The following MARCHF10 variants were observed in gnomAD, a reference collection of about 807,000 sequenced individuals.
MARCHF10 encodes membrane associated ring-CH-type finger 10, also known as probable E3 ubiquitin-protein ligase MARCHF10.
Under a neutral mutation model 76.2 loss-of-function variants are expected in MARCHF10, and 64 were observed. The observed-to-expected ratio is 0.84, with a 90% CI of 0.69 to 1.03. MARCHF10 has a LOEUF of 1.03. Among genes scored for constraint, MARCHF10 ranks in the 50% least tolerant of loss-of-function variants. MARCHF10 has a pLI of 0.00. For missense variants in MARCHF10, 875 were observed against 958.0 expected (o/e 0.91, Z 1.14); for synonymous variants, 340 against 357.5 (o/e 0.95, Z 0.55).
At chr17:62,737,493 C>T (rs2091326611) in intron 5 of MARCHF10, 161 bp from the exon 6 acceptor site, 2 of 666,280 alleles carry the variant, frequency 3.0e-6, no homozygotes, top group African/African-American at 1.8e-5. Flanking sequence ...GAGCAGAGCC[C>T]AGCAGGCTTC....
chr17:62,790,662 A>G (rs1319706153), intron 2 of MARCHF10, among the ~76,000 whole-genome samples: 1 of 152,242 alleles, frequency 6.6e-6, no homozygotes, highest in Non-Finnish European at 1.5e-5. Flanking sequence ...AGATTCCTTC[A>G]GCACGTTTCA....
intron 3 of MARCHF10, among the ~76,000 whole-genome samples, chr17:62,772,681 G>A (rs895812742): frequency 1.1e-4 from 16 of 152,118 alleles, no homozygotes; most frequent in African/African-American, 3.9e-4. Context: ...GTTTCTTGGG[G>A]GCAGGGCATT....
intron 8 of MARCHF10, among the ~76,000 whole-genome samples, chr17:62,720,180 G>A (rs898542208): frequency 2.0e-5 from 3 of 152,162 alleles, no homozygotes; most frequent in Non-Finnish European, 4.4e-5. Context: ...TGGTTCTGGT[G>A]TTTGCTCTGT....
rs536602171 is a variant in MARCHF10, at chr17:62,727,505, A to G, written c.1938-2401T>C. On this transcript the variant is annotated intron_variant, in intron 6 of 10. Coordinates refer to ENST00000311269, the MANE Select transcript of MARCHF10 (RefSeq NM_152598.4). Reference sequence around the variant, plus strand: ...GCAACACAGCGAGACCTTGTCTCAAAAAAAAAGAAAAAAATATATAGCTTG... The same window carrying G: ...GCAACACAGCGAGACCTTGTCTCAAGAAAAAAGAAAAAAATATATAGCTTG... Among the ~76,000 whole-genome samples, 4 of 152,124 alleles carry G rather than the reference A, an allele frequency of 2.6e-5. No individual in the cohort carries two copies. The East Asian group carries it at 7.7e-4, about 29-fold the overall frequency.
At chr17:62,718,925 T>A (rs1430303591) in intron 8 of MARCHF10, among the ~76,000 whole-genome samples, 1 of 152,232 alleles carries the variant, frequency 6.6e-6, no homozygotes, top group African/African-American at 2.4e-5. Context: ...GTAATGCTGC[T>A]GTGGCATTAT....
intron 8 of MARCHF10, among the ~76,000 whole-genome samples, chr17:62,715,250 A>T (rs953716763): frequency 9.2e-5 from 14 of 152,370 alleles, no homozygotes; most frequent in Middle Eastern, 3.4e-3. Flanking sequence ...CTCTGGTTGG[A>T]TGGAAGGAAG....
At chr17:62,785,839 A>T (rs2092736305) in intron 3 of MARCHF10, among the ~76,000 whole-genome samples, 1 of 152,156 alleles carries the variant, frequency 6.6e-6, no homozygotes. Flanking sequence ...ACCATCTCAC[A>T]CCAGTTAGAA....
chr17:62,737,418 T>C (rs888198997), intron 5 of MARCHF10, 86 bp from the exon 6 acceptor site: 1 of 1,239,922 alleles, frequency 8.1e-7, no homozygotes, highest in Admixed American at 2.2e-5. Flanking sequence ...AATTGCCCTT[T>C]AAATGCAACA....
intron 8 of MARCHF10, chr17:62,714,543 G>T: frequency 3.6e-6 from 1 of 276,356 alleles, no homozygotes; most frequent in Non-Finnish European, 5.5e-6. Context: ...CTAGTGCCTG[G>T]CCCAGTGCCT....
rs375714222 is a variant in MARCHF10 at position 62,736,024 on chromosome 17, T to C, written c.1844A>G (p.Asn615Ser). Residue 615 changes from asparagine (N) to serine (S), a missense_variant, in exon 6 of 11, where the codon AAT becomes AGT. Coordinates refer to ENST00000311269, the MANE Select transcript of MARCHF10 (RefSeq NM_152598.4). Reference protein sequence around the residue: ...AVSHFPNQNDNGSRMAASGFT... With the variant: ...AVSHFPNQNDSGSRMAASGFT... ...ACCAGAGGCTGCCATCCTGCTCCCA[T>C]TATCATTTTGATTTGGGAAATGAGA... is the stretch of plus-strand genomic sequence containing the variant. 1.2e-6 allele frequency: 2 copies of C among 1,614,064 alleles called. No homozygotes were observed. Among genetic ancestry groups the C allele is most frequent in the African/African-American group, 2.7e-5 (2 of 74,938 alleles).
At chr17:62,804,017 C>T (rs2093123019) in intron 1 of MARCHF10, among the ~76,000 whole-genome samples, 1 of 152,168 alleles carries the variant, frequency 6.6e-6, no homozygotes, top group Non-Finnish European at 1.5e-5. Context: ...GGGATGTGAA[C>T]CCGGAGACTC....
At chr17:62,793,937 C>G (rs1415452302) in intron 2 of MARCHF10, among the ~76,000 whole-genome samples, 1 of 150,018 alleles carries the variant, frequency 6.7e-6, no homozygotes, top group East Asian at 2.0e-4. Flanking sequence ...CCTCTATCAA[C>G]CACAACCACC....
intron 2 of MARCHF10, among the ~76,000 whole-genome samples, chr17:62,793,910 C>T (rs1415273740): frequency 6.7e-6 from 1 of 149,152 alleles, no homozygotes; most frequent in East Asian, 2.0e-4. Flanking sequence ...CCACCTCCAT[C>T]ATCACCACCA....
chr17:62,757,953 C>T (rs1392970790), intron 4 of MARCHF10, among the ~76,000 whole-genome samples: 1 of 152,166 alleles, frequency 6.6e-6, no homozygotes, highest in Non-Finnish European at 1.5e-5. Context: ...TGAAGTACAT[C>T]TGTATTAATT....
At chr17:62,783,985 A>G (rs1227872645) in intron 3 of MARCHF10, among the ~76,000 whole-genome samples, 1 of 152,222 alleles carries the variant, frequency 6.6e-6, no homozygotes, top group Non-Finnish European at 1.5e-5. Context: ...ATCTATTCCA[A>G]TCAATAGAAA....
In MARCHF10 at chr17:62,701,569, A is replaced by G; in HGVS notation, c.*134T>C. 6.4e-7 allele frequency: 1 copy of G among 1,570,570 alleles called. No homozygotes were observed. Among genetic ancestry groups the G allele is most frequent in the Non-Finnish European group, 8.6e-7 (1 of 1,161,218 alleles). On this transcript the variant is annotated 3_prime_UTR_variant, in exon 11 of 11. Coordinates refer to ENST00000311269, the MANE Select transcript of MARCHF10 (RefSeq NM_152598.4). Reference sequence around the variant, plus strand: ...AAGCCAGACCCCAAAAGAGAGTGGCACGAGGTGAAAATCTAACTGTGAACG... The same window carrying G: ...AAGCCAGACCCCAAAAGAGAGTGGCGCGAGGTGAAAATCTAACTGTGAACG...
At chr17:62,796,293 A>G (rs2092984336) in intron 2 of MARCHF10, among the ~76,000 whole-genome samples, 2 of 152,148 alleles carry the variant, frequency 1.3e-5, no homozygotes, top group African/African-American at 4.8e-5. Context: ...CGCCCGGCCT[A>G]CATCATGCAA....
intron 7 of MARCHF10, among the ~76,000 whole-genome samples, chr17:62,722,872 G>A (rs1490447547): frequency 1.3e-5 from 2 of 151,832 alleles, no homozygotes; most frequent in Non-Finnish European, 1.5e-5. Context: ...ATATAAACAG[G>A]ATGGTTCATA....
chr17:62,717,850 CCTGG>C (rs2090293098), intron 8 of MARCHF10, among the ~76,000 whole-genome samples: 1 of 152,218 alleles, frequency 6.6e-6, no homozygotes, highest in African/African-American at 2.4e-5. Context: ...CCACCCAGAT[CCTGG>C]CTGATACAAT....
Sources: gnomAD v4.1 joint callset for allele counts (sites outside exome capture counted in the v4.1 genomes callset) on GRCh38, gnomAD v4.1.1 for gene constraint, MANE v1.5 for transcripts, NCBI Gene and HGNC (gene_info 2026-07-23, HGNC 2026-07-21) for gene names.